Variants in ZBED6 observed in about 807,000 individuals in gnomAD.
The protein encoded by ZBED6 is zinc finger BED domain-containing protein 6.
ZBED6 carries 40 observed loss-of-function variants against 58.4 expected under a neutral mutation model. The ratio of observed to expected loss-of-function variants is 0.68; its 90% confidence interval spans 0.53 to 0.89. The LOEUF (loss-of-function observed/expected upper bound fraction) is 0.89. ZBED6 is among the 40% of genes least tolerant of loss of function. The pLI, the probability that ZBED6 is intolerant of heterozygous loss-of-function variation, is 0.00. For missense variants in ZBED6, 1,057 were observed against 1,003.9 expected (o/e 1.05, Z -0.71); for synonymous variants, 439 against 350.6 (o/e 1.25, Z -2.82).
At chr1:203,850,292 G>T in intron 14 of ZBED6, 2 of 686,592 alleles carry the variant, frequency 2.9e-6, no homozygotes, top group Non-Finnish European at 4.9e-6. Flanking sequence ...ACAAGGAATA[G>T]AGGAATGGTA....
rs768339599 is a variant in ZBED6, at chr1:203,840,286, GA to G, written c.*3673-16del. 144 of 1,607,618 alleles carry G rather than the reference GA, an allele frequency of 9.0e-5. 1 individual carries two copies. The highest frequency in any genetic ancestry group is 1.6e-5 in the Non-Finnish European group (19 of 1,176,766). ...AGTTTCTGTTCAACTTTTGATTTTT[GA>G]AAATCTTTCTTTTCACAGCTCAAGT... On this transcript the variant is annotated intron_variant, in intron 10 of 16. Coordinates refer to ENST00000550078, the Ensembl canonical transcript of ZBED6.
intron 2 of ZBED6, 131 bp from the exon 3 acceptor site, chr1:203,818,439 C>T: frequency 8.4e-7 from 1 of 1,194,382 alleles, no homozygotes; most frequent in Non-Finnish European, 1.2e-6. Flanking sequence ...ATTCCATGTC[C>T]ATTGTTTTTT....
In ZBED6 at chr1:203,850,527, T is replaced by C. The variant is rs774220377; in HGVS notation, c.*4651T>C. The C allele has an allele frequency of 6.2e-7, 1 of 1,613,958 alleles. No individual in the cohort carries two copies. The highest frequency in any genetic ancestry group is 1.7e-5 in the Admixed American group (1 of 60,010). On this transcript the variant is annotated 3_prime_UTR_variant, in exon 15 of 17. Coordinates refer to ENST00000550078, the Ensembl canonical transcript of ZBED6. ...CTGCCCTTTGTAGCTAAACCCAAAGTGAACGTGAAGCCATCTGTGGTTAAA... is the reference window on the plus strand; with the variant it reads ...CTGCCCTTTGTAGCTAAACCCAAAGCGAACGTGAAGCCATCTGTGGTTAAA...
At chr1:203,804,221 G>T (rs1471920548) in intron 1 of ZBED6, among the ~76,000 whole-genome samples, 2 of 147,372 alleles carry the variant, frequency 1.4e-5, no homozygotes, top group African/African-American at 2.5e-5. Flanking sequence ...GCGTGATCTC[G>T]ATTCACTGCA....
intron 3 of ZBED6, among the ~76,000 whole-genome samples, chr1:203,824,005 A>G (rs1008922412): frequency 1.3e-5 from 2 of 152,190 alleles, no homozygotes; most frequent in South Asian, 4.1e-4. Context: ...GCCGTGGCTC[A>G]TGCCTGTAAT....
intron 1 of ZBED6, among the ~76,000 whole-genome samples, chr1:203,808,794 ATCT>A (rs1319017707): frequency 5.3e-5 from 8 of 152,070 alleles, no homozygotes; most frequent in South Asian, 2.1e-4. Flanking sequence ...CGTCATCGCC[ATCT>A]TCTTCTTTTT....
rs967378448 is a variant in ZBED6 at position 203,829,973 on chromosome 1, T to C, written c.*3318+77T>C. The C allele has an allele frequency of 2.8e-6, 4 of 1,422,492 alleles. No homozygotes were observed. The African/African-American group carries it at 5.7e-5, about 20-fold the overall frequency. 88.1% of individuals were successfully genotyped at this position (1,422,492 alleles called of 1,614,324 possible). ...GAAATTTAGTTCACAATCATTGACC[T>C]CCCTCTTCTTTTTCCCATGCTACAC... On this transcript the variant is annotated intron_variant, in intron 6 of 16. Coordinates refer to ENST00000550078, the Ensembl canonical transcript of ZBED6.
At chr1:203,825,607 G>A (rs1002732313) in intron 3 of ZBED6, among the ~76,000 whole-genome samples, 10 of 151,946 alleles carry the variant, frequency 6.6e-5, no homozygotes, top group African/African-American at 2.2e-4. Context: ...GCTAATTTTT[G>A]TATTTTTTAG....
At chr1:203,848,018 G>T (rs767121924) in intron 12 of ZBED6, among the ~76,000 whole-genome samples, 1 of 151,974 alleles carries the variant, frequency 6.6e-6, no homozygotes, top group Admixed American at 6.6e-5. Context: ...ACCACACCCC[G>T]CTAATTTTTG....
chr1:203,815,237 CAG>C (rs1675950785), intron 1 of ZBED6, among the ~76,000 whole-genome samples: 1 of 6,140 alleles, frequency 1.6e-4, no homozygotes, highest in African/African-American at 7.5e-4. Context: ...TTTTTTGAGA[CAG>C]TGTCTCGCTC....
At chr1:203,810,868 C>T (rs1203064374) in intron 1 of ZBED6, among the ~76,000 whole-genome samples, 4 of 151,782 alleles carry the variant, frequency 2.6e-5, no homozygotes, top group South Asian at 2.1e-4. Context: ...CAGACGCTCA[C>T]GCCTGTAATC....
chr1:203,809,971 C>CA (rs1175128365), intron 1 of ZBED6, among the ~76,000 whole-genome samples: 3 of 151,048 alleles, frequency 2.0e-5, no homozygotes, highest in Admixed American at 6.6e-5. Flanking sequence ...CAAAACTAAA[C>CA]AAAAAAAAGT....
At chr1:203,833,420 A>G (rs1337792600) in intron 8 of ZBED6, among the ~76,000 whole-genome samples, 1 of 150,034 alleles carries the variant, frequency 6.7e-6, no homozygotes, top group Non-Finnish European at 1.5e-5. Flanking sequence ...AGTCCCAGCT[A>G]CTTGGGAGGC....
chr1:203,830,149 A>G (rs1681793682), exon 7 of ZBED6: 1 of 1,597,990 alleles, frequency 6.3e-7, no homozygotes. Context: ...TGGAATAAAA[A>G]CTCTTGAGGA....
At position 203,799,751 on chromosome 1, in the gene ZBED6, T is replaced by C. The variant is rs566195207; in HGVS notation, c.2229T>C (p.Asp743=). 131 of 831,142 alleles carry C rather than the reference T, an allele frequency of 1.6e-4. 2 individuals are homozygous for C. In the South Asian group the frequency reaches 1.8e-3, roughly 11 times the overall value. The allele number at this position is 831,142 out of a possible 1,614,324, so 51.5% of individuals were successfully genotyped here. A position where few individuals can be genotyped will look rare whatever the true frequency, so the allele number is the denominator to read the frequency against. Residue 743 remains aspartate, a synonymous_variant, in exon 1 of 17, where the codon GAT becomes GAC. Transcript: ENST00000550078. ...TTACTCAGGCCCTCAATCTGGTGGA[T>C]AGTTTATCTCTGAAACTTGAAACAG...
chr1:203,817,968 T>TG (rs1489131910), intron 2 of ZBED6, among the ~76,000 whole-genome samples: 5 of 152,094 alleles, frequency 3.3e-5, no homozygotes, highest in African/African-American at 1.2e-4. Flanking sequence ...AGGCTTGTCT[T>TG]GAACTCCTGA....
At chr1:203,807,551 G>C (rs1455907274) in intron 1 of ZBED6, among the ~76,000 whole-genome samples, 1 of 151,636 alleles carries the variant, frequency 6.6e-6, no homozygotes, top group Non-Finnish European at 1.5e-5. Context: ...TTTAGAGATA[G>C]AGTCTCGCTC....
chr1:203,822,581 A>C (rs2365979), intron 3 of ZBED6, among the ~76,000 whole-genome samples: 149,164 of 152,108 alleles, frequency 0.98, 73,209 homozygotes, highest in East Asian at 1. Flanking sequence ...CTGCCTTCCT[A>C]ACCCCACTTG....
chr1:203,850,982 G>A (rs577759443), intron 15 of ZBED6, 75 bp from the exon 16 acceptor site: 11 of 1,507,632 alleles, frequency 7.3e-6, no homozygotes, highest in South Asian at 3.5e-5. Context: ...TTCTAAGAAG[G>A]CAGCAAAAGA....
Sources: allele counts gnomAD v4.1 joint callset (sites outside exome capture counted in the v4.1 genomes callset), GRCh38; gene constraint gnomAD v4.1.1; transcripts MANE v1.5; gene names NCBI Gene and HGNC (gene_info 2026-07-23, HGNC 2026-07-21).